The following SNRPD1 variants were observed in gnomAD, a reference collection of about 807,000 sequenced individuals.
SNRPD1 encodes the protein small nuclear ribonucleoprotein D1 polypeptide.
Under a neutral mutation model 14.4 loss-of-function variants are expected in SNRPD1, and 1 was observed. The observed-to-expected ratio is 0.07, with a 90% CI of 0.02 to 0.33. SNRPD1 has a LOEUF of 0.33. Among genes scored for constraint, SNRPD1 ranks in the 10% least tolerant of loss-of-function variants. The pLI, the probability that SNRPD1 is intolerant of heterozygous loss-of-function variation, is 1.00. For missense variants in SNRPD1, 52 were observed against 146.4 expected (o/e 0.36, Z 3.33); for synonymous variants, 42 against 50.3 (o/e 0.83, Z 0.70).
chr18:21,615,701 C>T (rs993960773), intron 1 of SNRPD1, among the ~76,000 whole-genome samples: 1 of 152,156 alleles, frequency 6.6e-6, no homozygotes, highest in African/African-American at 2.4e-5. Context: ...ATTTTGTTTA[C>T]AACTACGTTG....
intron 1 of SNRPD1, among the ~76,000 whole-genome samples, chr18:21,620,575 T>TA (rs749652026): frequency 2.0e-5 from 3 of 152,134 alleles, no homozygotes; most frequent in Non-Finnish European, 4.4e-5. Flanking sequence ...TTACACTGCA[T>TA]AAAAAAGATC....
intron 1 of SNRPD1, among the ~76,000 whole-genome samples, chr18:21,617,019 A>G (rs910512017): frequency 1.3e-5 from 2 of 152,104 alleles, no homozygotes; most frequent in African/African-American, 4.8e-5. Flanking sequence ...AGTGACTATC[A>G]TCCATCTTGG....
At chr18:21,624,807 T>A (rs2039024353) in intron 3 of SNRPD1, among the ~76,000 whole-genome samples, 1 of 152,034 alleles carries the variant, frequency 6.6e-6, no homozygotes, top group Admixed American at 6.6e-5. Flanking sequence ...AAAAACCCCC[T>A]GTGGGTACCA....
chr18:21,625,693 C>T (rs1327062912), intron 3 of SNRPD1, among the ~76,000 whole-genome samples: 1 of 152,164 alleles, frequency 6.6e-6, no homozygotes, highest in African/African-American at 2.4e-5. Context: ...TCACTGCAAG[C>T]TCCGCTTCCC....
intron 1 of SNRPD1, among the ~76,000 whole-genome samples, chr18:21,617,963 C>T (rs2038969842): frequency 6.6e-6 from 1 of 152,136 alleles, no homozygotes; most frequent in East Asian, 1.9e-4. Context: ...CCAGCCTGGG[C>T]AACAGAACAA....
chr18:21,626,190 C>G (rs982081520), intron 3 of SNRPD1, among the ~76,000 whole-genome samples: 7 of 150,760 alleles, frequency 4.6e-5, no homozygotes, highest in Non-Finnish European at 8.9e-5. Flanking sequence ...CTCGGAAGTT[C>G]GAGACCAGCC....
intron 1 of SNRPD1, among the ~76,000 whole-genome samples, chr18:21,615,341 C>T (rs138737742): frequency 2.2e-4 from 33 of 152,240 alleles, no homozygotes; most frequent in African/African-American, 7.7e-4. Flanking sequence ...TTAGGCCGGG[C>T]GCAGTGGCTC....
At chr18:21,627,508 CCA>C (rs2039049919) in intron 3 of SNRPD1, among the ~76,000 whole-genome samples, 1 of 143,218 alleles carries the variant, frequency 7.0e-6, no homozygotes, top group Non-Finnish European at 1.5e-5. Flanking sequence ...GGCGCGATCT[CCA>C]CTCATTACAA....
intron 3 of SNRPD1, among the ~76,000 whole-genome samples, chr18:21,624,166 G>T (rs974903459): frequency 1.3e-5 from 2 of 151,474 alleles, no homozygotes; most frequent in Non-Finnish European, 2.9e-5. Flanking sequence ...GGATCACGAG[G>T]TCAGGAGTTC....
rs565844268 is a variant in SNRPD1, at chr18:21,629,362, C to CT, written c.*225dup. 1 of 443,338 alleles carries CT rather than the reference C, an allele frequency of 2.3e-6. No homozygotes were observed. The allele number at this position is 443,338 out of a possible 1,614,324, so 27.5% of individuals were successfully genotyped here. A position where few individuals can be genotyped will look rare whatever the true frequency, so the allele number is the denominator to read the frequency against. Reference sequence around the variant, plus strand: ...GTTGATCAGGTTTTAAGTTTTTGAACTAAAATTTTTCTTTTTCTTTTTATG... The same window carrying CT: ...GTTGATCAGGTTTTAAGTTTTTGAACTTAAAATTTTTCTTTTTCTTTTTATG... On this transcript the variant is annotated 3_prime_UTR_variant, in exon 4 of 4. Coordinates refer to ENST00000300413, the MANE Select transcript of SNRPD1 (RefSeq NM_006938.4).
intron 1 of SNRPD1, among the ~76,000 whole-genome samples, chr18:21,622,359 C>G (rs548221862): frequency 6.6e-6 from 1 of 152,106 alleles, no homozygotes; most frequent in Non-Finnish European, 1.5e-5. Context: ...CCAGGATGAT[C>G]TCGATCTCCT....
chr18:21,631,960 G>A lies in SNRPD1; in HGVS notation c.*2822G>A, dbSNP rs2039087875. ...GTCCTCGTGGAGCTTATAGACAGAAGCAGATAACAAATAAAAATTGGAGCT... is the reference window on the plus strand; with the variant it reads ...GTCCTCGTGGAGCTTATAGACAGAAACAGATAACAAATAAAAATTGGAGCT... On this transcript the variant is annotated 3_prime_UTR_variant, in exon 4 of 4. Transcript: ENST00000300413. 1 of 152,110 alleles carries A rather than the reference G, an allele frequency of 6.6e-6. No homozygotes were observed. Among genetic ancestry groups the A allele is most frequent in the Admixed American group, 6.6e-5 (1 of 15,250 alleles). 9.4% of individuals were successfully genotyped at this position (152,110 alleles called of 1,614,324 possible). A position where few individuals can be genotyped will look rare whatever the true frequency, so the allele number is the denominator to read the frequency against.
At chr18:21,621,209 G>A (rs1005257623) in intron 1 of SNRPD1, among the ~76,000 whole-genome samples, 14 of 151,968 alleles carry the variant, frequency 9.2e-5, no homozygotes, top group African/African-American at 3.4e-4. Flanking sequence ...GGTAATTAAG[G>A]AAAAGCAAAT....
At chr18:21,622,365 C>T (rs1056708828) in intron 1 of SNRPD1, among the ~76,000 whole-genome samples, 5 of 152,266 alleles carry the variant, frequency 3.3e-5, no homozygotes, top group South Asian at 2.1e-4. Context: ...TGATCTCGAT[C>T]TCCTGACCTC....
chr18:21,615,214 G>A lies in SNRPD1; in HGVS notation c.14+2771G>A, dbSNP rs150620907. Among the ~76,000 whole-genome samples the A allele has an allele frequency of 1.4e-3, 218 of 152,260 alleles. 3 individuals carry two copies. The East Asian group carries it at 0.029, about 20-fold the overall frequency. On this transcript the variant is annotated intron_variant, in intron 1 of 3. Transcript: ENST00000300413. ...ATTTGGAATCACAAAGTATTTTTGC[G>A]TAAAACTTCTTTTAGTTACATGTTT...
intron 1 of SNRPD1, among the ~76,000 whole-genome samples, chr18:21,619,186 TC>T (rs1439520477): frequency 6.6e-6 from 1 of 152,098 alleles, no homozygotes; most frequent in East Asian, 1.9e-4. Flanking sequence ...CAATTTTTTT[TC>T]GTTTGTTTTT....
Position 21,629,376 on chromosome 18 carries a change from T to C in SNRPD1, c.*238T>C. ...AAGTTTTTGAACTAAAATTTTTCTTTTTCTTTTTATGATGAATAAGGTTAA... is the reference window on the plus strand; with the variant it reads ...AAGTTTTTGAACTAAAATTTTTCTTCTTCTTTTTATGATGAATAAGGTTAA... On this transcript the variant is annotated 3_prime_UTR_variant, in exon 4 of 4. Transcript: ENST00000300413. The C allele has an allele frequency of 2.4e-6, 1 of 424,492 alleles. No homozygotes were observed. Among genetic ancestry groups the C allele is most frequent in the Non-Finnish European group, 4.2e-6 (1 of 236,514 alleles). The allele number at this position is 424,492 out of a possible 1,614,324, so 26.3% of individuals were successfully genotyped here. A position where few individuals can be genotyped will look rare whatever the true frequency, so the allele number is the denominator to read the frequency against.
At chr18:21,623,437 G>T (rs1342515086) in intron 2 of SNRPD1, among the ~76,000 whole-genome samples, 1 of 152,164 alleles carries the variant, frequency 6.6e-6, no homozygotes, top group African/African-American at 2.4e-5. Context: ...CAAAGACAGT[G>T]GGAGAAACAT....
intron 2 of SNRPD1, 61 bp downstream of exon 2, chr18:21,622,862 TA>T: frequency 1.3e-6 from 1 of 778,984 alleles, no homozygotes; most frequent in Admixed American, 2.2e-5. Context: ...AGCCAGAGTT[TA>T]TTTTTTTATT....
Sources: allele counts gnomAD v4.1 joint callset (sites outside exome capture counted in the v4.1 genomes callset), GRCh38; gene constraint gnomAD v4.1.1; transcripts MANE v1.5; gene names NCBI Gene and HGNC (gene_info 2026-07-23, HGNC 2026-07-21).